The following MICA variants were observed in gnomAD, a reference collection of about 807,000 sequenced individuals.
MICA encodes MHC class I polypeptide-related sequence A.
Under a neutral mutation model 34.3 loss-of-function variants are expected in MICA, and 18 were observed. The ratio of observed to expected loss-of-function variants is 0.52; its 90% CI spans 0.36 to 0.78. The LOEUF is 0.78. MICA is among the 30% of genes least tolerant of loss of function. MICA has a pLI of 0.00. For missense variants in MICA, 333 were observed against 409.4 expected (o/e 0.81, Z 1.61); for synonymous variants, 135 against 156.9 (o/e 0.86, Z 1.04).
At chr6:31,405,068 C>T (rs1440955772) in intron 1 of MICA, among the ~76,000 whole-genome samples, 4 of 149,200 alleles carry the variant, frequency 2.7e-5, no homozygotes, top group Non-Finnish European at 4.5e-5. Flanking sequence ...GCACCCTCCC[C>T]TCCTGTCCTC....
upstream of MICA, among the ~76,000 whole-genome samples, chr6:31,402,450 AG>A (rs1770482286): frequency 6.6e-6 from 1 of 151,786 alleles, no homozygotes; most frequent in African/African-American, 2.4e-5. Context: ...GTGGCAGCTG[AG>A]GTTTTCCACG....
In MICA at chr6:31,411,169, C is replaced by T; in HGVS notation, c.423C>T (p.Leu141=). ...QHFYYDGELF[L]SQNLETEEWT... Reference sequence around the variant, plus strand: ...TCTACTACGATGGGGAGCTCTTCCTCTCCCAAAACCTGGAGACTGAGGAAT... The same window carrying T: ...TCTACTACGATGGGGAGCTCTTCCTTTCCCAAAACCTGGAGACTGAGGAAT... The change falls in exon 3 of 6, where the codon CTC becomes CTT. Residue 141 remains leucine (L), a synonymous_variant. Coordinates refer to ENST00000449934, the MANE Select transcript of MICA (RefSeq NM_001177519.3). This position sits in a 1 kb window ranked among gnomAD's most constrained non-coding sequence, Gnocchi z 4.3. The T allele has an allele frequency of 6.2e-7, 1 of 1,613,182 alleles. No homozygotes were observed. The highest frequency in any genetic ancestry group is 1.1e-5 in the South Asian group (1 of 90,990).
upstream of MICA, among the ~76,000 whole-genome samples, chr6:31,401,245 A>G (rs1770413257): frequency 6.6e-6 from 1 of 151,682 alleles, no homozygotes; most frequent in Non-Finnish European, 1.5e-5. Flanking sequence ...TAAGGTGGGG[A>G]AAGGACCCCG....
At chr6:31,402,114 T>A (rs1412990016), upstream of MICA, 1 of 151,950 alleles carries the variant, frequency 6.6e-6, no homozygotes, top group East Asian at 1.9e-4. Context: ...CCTGGAAGAT[T>A]TTTTTTCCTT....
upstream of MICA, chr6:31,402,218 C>A (rs1770468554): frequency 6.6e-6 from 1 of 151,924 alleles, no homozygotes. Flanking sequence ...TGGTTGTGAT[C>A]AATTAGTTGT....
chr6:31,412,411 T>C lies in MICA; in HGVS notation c.979T>C (p.Phe327Leu). The change falls in exon 5 of 6, where the codon TTT (phenylalanine) becomes CTT (leucine). Residue 327 changes from phenylalanine (F) to leucine (L), a missense_variant. Transcript: ENST00000449934. Reference protein sequence around the residue: ...AGCCYFCYYYFLCPLL With the variant: ...AGCCYFCYYYLLCPLL ...CTGCTGCTATTTTTGTTATTATTATTTTCTATGTCCGTTGTTGTAAGAAGA... is the reference window on the plus strand; with the variant it reads ...CTGCTGCTATTTTTGTTATTATTATCTTCTATGTCCGTTGTTGTAAGAAGA... The C allele has an allele frequency of 6.4e-7, 1 of 1,570,016 alleles. No homozygotes were observed. Among genetic ancestry groups the C allele is most frequent in the Non-Finnish European group, 8.6e-7 (1 of 1,157,494 alleles).
chr6:31,410,365 C>A (rs1021080002), intron 1 of MICA, among the ~76,000 whole-genome samples, 178 bp from the exon 2 acceptor site: 4 of 151,772 alleles, frequency 2.6e-5, no homozygotes, highest in Non-Finnish European at 5.9e-5. Flanking sequence ...TGTTCATCAG[C>A]CCCCTCCTCT....
intron 1 of MICA, among the ~76,000 whole-genome samples, chr6:31,409,268 C>G (rs551812924): frequency 6.7e-6 from 1 of 148,460 alleles, no homozygotes; most frequent in African/African-American, 2.5e-5. Context: ...AGAAGCAGTA[C>G]ACAGGGGCTT....
intron 5 of MICA, 97 bp from the exon 6 acceptor site, chr6:31,414,915 A>G (rs538810860): frequency 6.8e-6 from 7 of 1,022,580 alleles, no homozygotes; most frequent in African/African-American, 3.3e-5. Context: ...GAAAGGGCAA[A>G]TCTGGTTTTG....
chr6:31,409,631 A>G (rs1182990429), intron 1 of MICA, among the ~76,000 whole-genome samples: 1 of 150,530 alleles, frequency 6.6e-6, no homozygotes, highest in African/African-American at 2.4e-5. Flanking sequence ...CTACTTTGTC[A>G]GTTCTTTCTA....
chr6:31,403,421 G>C (rs575663891), upstream of MICA, among the ~76,000 whole-genome samples: 1 of 152,018 alleles, frequency 6.6e-6, no homozygotes, highest in African/African-American at 2.4e-5. This position sits in a 1 kb window ranked among gnomAD's most constrained non-coding sequence, Gnocchi z 4.7. Context: ...TGGGCCCCAG[G>C]TCCCGCCTTC....
In MICA at chr6:31,403,926, T is replaced by G. The variant is rs964952800; in HGVS notation, c.70+224T>G. 1.3e-5 allele frequency among the ~76,000 whole-genome samples: 2 copies of G among 151,828 alleles called. No homozygotes were observed. Among genetic ancestry groups the G allele is most frequent in the Non-Finnish European group, 2.9e-5 (2 of 68,014 alleles). ...GCATCACCTGCACTTTCTGGTCTCC[T>G]CCTGCTCTTTCTCTCCTCGCGTCTC... On this transcript the variant is annotated intron_variant, in intron 1 of 5. Transcript: ENST00000449934. The surrounding 1 kb of genome is among the most constrained non-coding windows in gnomAD (Gnocchi z 4.7).
intron 1 of MICA, among the ~76,000 whole-genome samples, chr6:31,408,274 G>A (rs9266801): frequency 0.033 from 5,049 of 151,836 alleles, 146 homozygotes; most frequent in East Asian, 0.081. Context: ...TTTTTGCATC[G>A]GTGTTCATCA....
intron 1 of MICA, among the ~76,000 whole-genome samples, chr6:31,406,850 T>G (rs1428826827): frequency 6.6e-6 from 1 of 151,926 alleles, no homozygotes; most frequent in Non-Finnish European, 1.5e-5. Context: ...TTGTTGGAAA[T>G]GAGTTTACTG....
chr6:31,405,672 A>AT (rs1260861529), intron 1 of MICA, among the ~76,000 whole-genome samples: 9 of 151,550 alleles, frequency 5.9e-5, no homozygotes, highest in Non-Finnish European at 1.2e-4. Context: ...TTCTAATTAT[A>AT]TTTTTGTACC....
At position 31,411,947 on chromosome 6, in the gene MICA, T is replaced by G; in HGVS notation, c.614T>G (p.Val205Gly). The G allele has an allele frequency of 6.2e-7, 1 of 1,610,838 alleles. No individual in the cohort carries two copies. Among genetic ancestry groups the G allele is most frequent in the Non-Finnish European group, 8.5e-7 (1 of 1,178,574 alleles). ...ACTGGCTCTGCCCTTTCTTCTCCAG[T>G]GCCCCCCATGGTGAATGTCACCCGC... is the stretch of plus-strand genomic sequence containing the variant. ...LESGVVLRRTVPPMVNVTRSE... is the reference protein window; with the variant it reads ...LESGVVLRRTGPPMVNVTRSE... The change falls in exon 4 of 6, where the codon GTG becomes GGG. Residue 205 changes from valine (V) to glycine (G), a missense_variant and splice_region_variant. Coordinates refer to ENST00000449934, the MANE Select transcript of MICA (RefSeq NM_001177519.3). This position sits in a 1 kb window ranked among gnomAD's most constrained non-coding sequence, Gnocchi z 4.3.
At chr6:31,407,626 T>C (rs1770820685) in intron 1 of MICA, among the ~76,000 whole-genome samples, 1 of 152,028 alleles carries the variant, frequency 6.6e-6, no homozygotes, top group Non-Finnish European at 1.5e-5. Context: ...GTAGCTATTG[T>C]AAATGGGATT....
intron 1 of MICA, among the ~76,000 whole-genome samples, chr6:31,409,931 C>A (rs1378775660): frequency 2.7e-5 from 4 of 150,390 alleles, no homozygotes; most frequent in Admixed American, 1.3e-4. Context: ...TGTCCTGGGG[C>A]CTTGTCATGC....
Position 31,410,699 on chromosome 6 carries a change from T to A in MICA, c.227T>A (p.Val76Asp), listed in dbSNP as rs566489585. ...CCCCAGGGACAGTGGGCAGAAGATG[T>A]CCTGGGAAATAAGACATGGGACAGA... ...AKPQGQWAEDVLGNKTWDRET... is the reference protein window; with the variant it reads ...AKPQGQWAEDDLGNKTWDRET... Residue 76 changes from valine to aspartate, a missense_variant, in exon 2 of 6, where the codon GTC (valine) becomes GAC (aspartate). By Grantham distance (152) the Val-to-Asp change is radical. Transcript: ENST00000449934. 3.6e-5 allele frequency: 58 copies of A among 1,612,780 alleles called. No individual in the cohort carries two copies. The South Asian group carries it at 6.0e-4, about 17-fold the overall frequency.
Sources: allele counts gnomAD v4.1 joint callset (sites outside exome capture counted in the v4.1 genomes callset), GRCh38; gene constraint gnomAD v4.1.1; non-coding constraint Gnocchi (gnomAD v3.1); transcripts MANE v1.5; gene names NCBI Gene and HGNC (gene_info 2026-07-23, HGNC 2026-07-21).